The following DAAM1 variants were observed in gnomAD, a reference collection of about 807,000 sequenced individuals.
The protein encoded by DAAM1 is disheveled-associated activator of morphogenesis 1.
Under a neutral mutation model 130.0 loss-of-function variants are expected in DAAM1, and 52 were observed. That is an observed-to-expected ratio of 0.40 (90% CI 0.32 to 0.50). The LOEUF (loss-of-function observed/expected upper bound fraction) is 0.50, where lower values mean the gene tolerates loss of function less well. Among genes scored for constraint, DAAM1 ranks in the 20% least tolerant of loss-of-function variants. The probability of loss-of-function intolerance (pLI) is 0.61; values close to 1 mark genes in which losing one functional copy is unlikely to be tolerated. For synonymous variants in DAAM1, 452 were observed against 444.5 expected, an observed-to-expected ratio of 1.02 and a Z score of -0.21; for missense variants, 1,134 against 1,303.8, an observed-to-expected ratio of 0.87 and a Z score of 2.01.
chr14:59,236,829 A>G (rs1889319516), intron 1 of DAAM1, among the ~76,000 whole-genome samples: 2 of 152,256 alleles, frequency 1.3e-5, no homozygotes, highest in Admixed American at 1.3e-4. Flanking sequence ...TATTTGTAAT[A>G]TAAGTGGTTT....
At chr14:59,241,168 T>G (rs1881100139) in intron 1 of DAAM1, among the ~76,000 whole-genome samples, 1 of 152,242 alleles carries the variant, frequency 6.6e-6, no homozygotes, top group Non-Finnish European at 1.5e-5. Context: ...CTGCATTTTG[T>G]ATGTATGTAG....
At chr14:59,308,026 G>GA (rs1384339045) in intron 3 of DAAM1, among the ~76,000 whole-genome samples, 1 of 152,172 alleles carries the variant, frequency 6.6e-6, no homozygotes, top group East Asian at 1.9e-4. Flanking sequence ...CACTTAATAT[G>GA]ACGTGTCTTT....
At chr14:59,347,311 C>T (rs1886122486) in intron 16 of DAAM1, among the ~76,000 whole-genome samples, 1 of 118,402 alleles carries the variant, frequency 8.4e-6, no homozygotes, top group South Asian at 3.0e-4. Flanking sequence ...AATCATAGAA[C>T]ATAGCAGCTT....
At chr14:59,277,853 G>C (rs1883038571) in intron 2 of DAAM1, among the ~76,000 whole-genome samples, 1 of 152,136 alleles carries the variant, frequency 6.6e-6, no homozygotes, top group Admixed American at 6.6e-5. Flanking sequence ...AAACCTGGCT[G>C]TTAACTCACA....
chr14:59,343,233 A>G (rs1295885072), intron 16 of DAAM1, among the ~76,000 whole-genome samples: 2 of 152,124 alleles, frequency 1.3e-5, no homozygotes, highest in Admixed American at 6.5e-5. Context: ...TTGTTTAATA[A>G]GGTTTTTTAG....
intron 1 of DAAM1, among the ~76,000 whole-genome samples, chr14:59,249,671 A>C (rs997043006): frequency 6.6e-6 from 1 of 152,220 alleles, no homozygotes; most frequent in African/African-American, 2.4e-5. Flanking sequence ...TTGTAAATTC[A>C]GTCACCATTT....
intron 1 of DAAM1, among the ~76,000 whole-genome samples, chr14:59,199,574 C>G (rs188718503): frequency 9.6e-4 from 146 of 152,342 alleles, no homozygotes; most frequent in Non-Finnish European, 1.6e-3. Context: ...TAATGCACAG[C>G]CACTTAGTTT....
rs190616313 is a variant in DAAM1, at chr14:59,261,977, T to C, written c.-37-1464T>C. Among the ~76,000 whole-genome samples the C allele has an allele frequency of 1.5e-3, 221 of 152,276 alleles. 1 individual carries two copies. The highest frequency in any genetic ancestry group is 2.6e-3 in the Non-Finnish European group (174 of 68,016). ...AAATAATGCATTCACAGCCTTGTTC[T>C]ACCACCTTCCCTGACCAAGATATGT... On this transcript the variant is annotated intron_variant, in intron 1 of 24. Transcript: ENST00000360909.
rs112326485 is a variant in DAAM1, at chr14:59,198,480, C to T, written c.-38+9712C>T. Among the ~76,000 whole-genome samples, 15 of 152,190 alleles carry T rather than the reference C, an allele frequency of 9.9e-5. 1 individual carries two copies. Among genetic ancestry groups the T allele is most frequent in the South Asian group, 4.1e-4 (2 of 4,822 alleles). On this transcript the variant is annotated intron_variant, in intron 1 of 24. Transcript: ENST00000360909. Reference sequence around the variant, plus strand: ...TCCTGACCTCATGATCCGCCTGCCTCGGCTTCCCAAAGTGCTAGGATTACA... The same window carrying T: ...TCCTGACCTCATGATCCGCCTGCCTTGGCTTCCCAAAGTGCTAGGATTACA...
chr14:59,254,668 G>A (rs753873769), intron 1 of DAAM1, among the ~76,000 whole-genome samples: 7 of 152,166 alleles, frequency 4.6e-5, no homozygotes, highest in East Asian at 1.9e-4. Flanking sequence ...TGATCTAGAC[G>A]AGATGTCTTG....
At chr14:59,192,007 G>A (rs11844752) in intron 1 of DAAM1, among the ~76,000 whole-genome samples, 81,531 of 152,000 alleles carry the variant, frequency 0.54, 21,917 homozygotes, top group East Asian at 0.63. Flanking sequence ...GCATAAATTA[G>A]TAAATTAGTG....
At chr14:59,222,442 C>A (rs542147074) in intron 1 of DAAM1, among the ~76,000 whole-genome samples, 1 of 152,262 alleles carries the variant, frequency 6.6e-6, no homozygotes, top group Admixed American at 6.5e-5. Context: ...TGGCTGATGA[C>A]CCTGGGGAAT....
intron 22 of DAAM1, 87 bp downstream of exon 22, chr14:59,360,949 ATGTGG>A: frequency 1.7e-6 from 2 of 1,148,344 alleles, no homozygotes; most frequent in Non-Finnish European, 2.5e-6. Flanking sequence ...TTGTGTTGGC[ATGTGG>A]TATGCCCGGG....
At chr14:59,279,820 ATTCTT>A (rs1365184025) in intron 2 of DAAM1, among the ~76,000 whole-genome samples, 3 of 152,234 alleles carry the variant, frequency 2.0e-5, no homozygotes, top group Non-Finnish European at 2.9e-5. Context: ...TAGGAGAAAT[ATTCTT>A]AATATATACC....
intron 1 of DAAM1, among the ~76,000 whole-genome samples, chr14:59,207,690 A>C (rs1888306049): frequency 6.6e-6 from 1 of 152,184 alleles, no homozygotes; most frequent in African/African-American, 2.4e-5. Context: ...ACACACTGAA[A>C]AGTCCTCTGG....
chr14:59,211,694 T>C (rs1888429918), intron 1 of DAAM1, among the ~76,000 whole-genome samples: 1 of 152,204 alleles, frequency 6.6e-6, no homozygotes, highest in African/African-American at 2.4e-5. Flanking sequence ...GACACTTCAC[T>C]CACATTCTAT....
chr14:59,257,512 C>T (rs1881956752), intron 1 of DAAM1, among the ~76,000 whole-genome samples: 1 of 142,386 alleles, frequency 7.0e-6, no homozygotes, highest in Non-Finnish European at 1.6e-5. Flanking sequence ...GGAAGAGAGC[C>T]AGATAAGGAA....
chr14:59,357,769 C>A (rs1463888426), intron 20 of DAAM1, among the ~76,000 whole-genome samples: 1 of 150,680 alleles, frequency 6.6e-6, no homozygotes, highest in African/African-American at 2.5e-5. Flanking sequence ...CAGAGCGAGA[C>A]TCCATCTCAA....
intron 1 of DAAM1, among the ~76,000 whole-genome samples, chr14:59,215,176 C>A (rs1388737400): frequency 4.6e-5 from 7 of 152,192 alleles, no homozygotes; most frequent in Non-Finnish European, 1.0e-4. Flanking sequence ...AGCCTACAAA[C>A]CTTCCTGTTT....
Sources: gnomAD v4.1 joint callset for allele counts (sites outside exome capture counted in the v4.1 genomes callset) on GRCh38, gnomAD v4.1.1 for gene constraint, MANE v1.5 for transcripts, NCBI Gene and HGNC (gene_info 2026-07-23, HGNC 2026-07-21) for gene names.